RSRC1: variants seen among roughly 807,000 people sequenced by gnomAD.
The protein encoded by RSRC1 is serine/Arginine-related protein 53.
A neutral mutation model predicts 49.1 loss-of-function variants in RSRC1; 39 were observed. The observed-to-expected ratio is 0.79, with a 90% CI of 0.61 to 1.04. RSRC1 has a LOEUF of 1.04. Among genes scored for constraint, RSRC1 ranks in the 50% least tolerant of loss-of-function variants. The pLI, the probability that RSRC1 is intolerant of heterozygous loss-of-function variation, is 0.00. For missense variants in RSRC1, 388 were observed against 402.4 expected (o/e 0.96, Z 0.31); for synonymous variants, 143 against 130.8 (o/e 1.09, Z -0.63).
chr3:158,243,968 A>G (rs375775410), intron 4 of RSRC1, among the ~76,000 whole-genome samples: 1 of 133,518 alleles, frequency 7.5e-6, no homozygotes, highest in South Asian at 2.4e-4. Flanking sequence ...TTTTTTTTTT[A>G]ATATACAGGA....
intron 2 of RSRC1, 72 bp from the exon 3 acceptor site, chr3:158,123,787 TTAGAATC>T: frequency 1.5e-6 from 2 of 1,331,314 alleles, no homozygotes; most frequent in Non-Finnish European, 2.1e-6. Flanking sequence ...AGATGATTCT[TTAGAATC>T]TAGAAGGTTT....
At chr3:158,138,618 T>G (rs559012889) in intron 3 of RSRC1, among the ~76,000 whole-genome samples, 1 of 152,344 alleles carries the variant, frequency 6.6e-6, no homozygotes, top group South Asian at 2.1e-4. Context: ...CTGCTTTAAA[T>G]GAACTTATTG....
chr3:158,173,696 G>C (rs1211323709), intron 3 of RSRC1, among the ~76,000 whole-genome samples: 4 of 151,904 alleles, frequency 2.6e-5, no homozygotes, highest in African/African-American at 9.7e-5. Flanking sequence ...ATAGCCTAAA[G>C]GTGGAAACAA....
At chr3:158,293,769 A>G (rs1727079196) in intron 4 of RSRC1, among the ~76,000 whole-genome samples, 1 of 152,056 alleles carries the variant, frequency 6.6e-6, no homozygotes, top group Non-Finnish European at 1.5e-5. Flanking sequence ...CTTTGTATTT[A>G]AATAATAGTT....
At chr3:158,294,482 T>A (rs1019095567) in intron 4 of RSRC1, among the ~76,000 whole-genome samples, 24 of 152,138 alleles carry the variant, frequency 1.6e-4, no homozygotes, top group Non-Finnish European at 2.6e-4. Flanking sequence ...TATTATTTTT[T>A]AAAATTCTGG....
At chr3:158,326,179 G>A (rs1223286356) in intron 5 of RSRC1, among the ~76,000 whole-genome samples, 1 of 152,064 alleles carries the variant, frequency 6.6e-6, no homozygotes, top group Non-Finnish European at 1.5e-5. Flanking sequence ...CTGCAAACAG[G>A]GACAATTTGA....
chr3:158,281,034 T>C (rs969493280), intron 4 of RSRC1, among the ~76,000 whole-genome samples: 3 of 152,174 alleles, frequency 2.0e-5, no homozygotes, highest in African/African-American at 4.8e-5. Context: ...TTAAAATAGC[T>C]ATGACAGAAT....
intron 3 of RSRC1, among the ~76,000 whole-genome samples, chr3:158,141,970 C>T (rs547057344): frequency 1.3e-5 from 2 of 152,168 alleles, no homozygotes; most frequent in Admixed American, 1.3e-4. Context: ...TGGTGGTGCA[C>T]GCCTGTAGTC....
At chr3:158,426,763 A>G (rs981087380) in intron 6 of RSRC1, among the ~76,000 whole-genome samples, 2 of 151,770 alleles carry the variant, frequency 1.3e-5, no homozygotes, top group African/African-American at 4.8e-5. Flanking sequence ...TGAAGAATGA[A>G]TGAGTGCTGG....
chr3:158,392,412 G>A (rs1733361060), intron 6 of RSRC1, among the ~76,000 whole-genome samples: 1 of 151,902 alleles, frequency 6.6e-6, no homozygotes, highest in African/African-American at 2.4e-5. Flanking sequence ...CTATTGCTTG[G>A]CTACTTCACA....
At chr3:158,488,335 T>G (rs920289199) in intron 7 of RSRC1, among the ~76,000 whole-genome samples, 2 of 152,196 alleles carry the variant, frequency 1.3e-5, no homozygotes, top group Non-Finnish European at 2.9e-5. Context: ...CTTACTGTTA[T>G]GTAAAAGAAT....
chr3:158,309,965 G>A (rs1282529085), intron 5 of RSRC1, among the ~76,000 whole-genome samples: 1 of 151,520 alleles, frequency 6.6e-6, no homozygotes, highest in Non-Finnish European at 1.5e-5. Context: ...ATATTTTAAG[G>A]TAACCTTGAG....
At chr3:158,175,911 T>C (rs1356467684) in intron 3 of RSRC1, among the ~76,000 whole-genome samples, 1 of 152,166 alleles carries the variant, frequency 6.6e-6, no homozygotes, top group African/African-American at 2.4e-5. Context: ...TTCCACTTTA[T>C]TGAATCAGCT....
At chr3:158,413,182 G>A (rs1472349367) in intron 6 of RSRC1, among the ~76,000 whole-genome samples, 1 of 151,318 alleles carries the variant, frequency 6.6e-6, no homozygotes, top group African/African-American at 2.4e-5. Flanking sequence ...TCAGAAATAA[G>A]ATCACATCTG....
intron 5 of RSRC1, among the ~76,000 whole-genome samples, chr3:158,347,823 G>A (rs1730639297): frequency 1.3e-5 from 2 of 151,896 alleles, no homozygotes; most frequent in African/African-American, 4.8e-5. Context: ...CAAAATGCTG[G>A]GATTACAGGC....
At chr3:158,386,854 CG>C (rs1302996619) in intron 6 of RSRC1, among the ~76,000 whole-genome samples, 1 of 150,962 alleles carries the variant, frequency 6.6e-6, no homozygotes, top group Non-Finnish European at 1.5e-5. Context: ...AATTTTATTA[CG>C]TATTATTGCA....
intron 6 of RSRC1, among the ~76,000 whole-genome samples, chr3:158,423,135 A>G (rs953998940): frequency 6.6e-5 from 10 of 151,588 alleles, no homozygotes; most frequent in Non-Finnish European, 7.4e-5. Context: ...GGTGTTTTAG[A>G]CATGAAGTCC....
chr3:158,127,602 CTG>C (rs1315836700), intron 3 of RSRC1, among the ~76,000 whole-genome samples: 1 of 151,696 alleles, frequency 6.6e-6, no homozygotes, highest in Non-Finnish European at 1.5e-5. Flanking sequence ...AGTTGTGCAT[CTG>C]TGTTCTTTTT....
At chr3:158,237,714 A>T (rs866875901) in intron 4 of RSRC1, among the ~76,000 whole-genome samples, 1 of 152,008 alleles carries the variant, frequency 6.6e-6, no homozygotes, top group Admixed American at 6.6e-5. Flanking sequence ...GGCTGAGTCA[A>T]TGGGGTTTTC....
Sources: gnomAD v4.1 joint callset for allele counts (sites outside exome capture counted in the v4.1 genomes callset) on GRCh38, gnomAD v4.1.1 for gene constraint, MANE v1.5 for transcripts, NCBI Gene and HGNC (gene_info 2026-07-23, HGNC 2026-07-21) for gene names.